PUS10: variants seen among roughly 807,000 people sequenced by gnomAD.
The protein encoded by PUS10 is tRNA pseudouridine synthase Pus10.
PUS10 carries 59 observed loss-of-function variants against 75.0 expected under a neutral mutation model. The ratio of observed to expected loss-of-function variants is 0.79; its 90% CI spans 0.64 to 0.98. The LOEUF is 0.98. Among genes scored for constraint, PUS10 ranks in the 50% least tolerant of loss-of-function variants. PUS10 has a pLI of 0.00. For synonymous variants in PUS10, 219 were observed against 211.6 expected (o/e 1.03, Z -0.30); for missense variants, 650 against 614.4 (o/e 1.06, Z -0.61).
chr2:60,955,165 C>G (rs1675571511), intron 11 of PUS10, 91 bp from the exon 12 acceptor site: 4 of 714,204 alleles, frequency 5.6e-6, no homozygotes, highest in Non-Finnish European at 9.2e-6. Context: ...AACTGAAGGT[C>G]TTGAACAATC....
At chr2:60,946,381 G>C (rs1200299014) in intron 16 of PUS10, among the ~76,000 whole-genome samples, 1 of 152,186 alleles carries the variant, frequency 6.6e-6, no homozygotes, top group East Asian at 1.9e-4. Context: ...TTAACACATA[G>C]TCTTTCTTGG....
In PUS10 at chr2:60,954,137, A is replaced by G; in HGVS notation, c.1079T>C (p.Leu360Pro). The G allele has an allele frequency of 6.2e-7, 1 of 1,614,214 alleles. No individual in the cohort carries two copies. The highest frequency in any genetic ancestry group is 8.5e-7 in the Non-Finnish European group (1 of 1,180,008). Residue 360 changes from leucine to proline, a missense_variant, in exon 13 of 18, where the codon CTG (leucine) becomes CCG (proline). Leu to Pro is a moderately conservative substitution (Grantham distance 98). Coordinates refer to ENST00000316752, the MANE Select transcript of PUS10 (RefSeq NM_144709.4). ...LGNGRPFAIE[L>P]VNPHRVHFTS... ...GAAATGTACTCTATGAGGATTCACC[A>G]GCTCAATTGCAAAGGGCCTTCCTGG...
intron 17 of PUS10, among the ~76,000 whole-genome samples, chr2:60,943,762 TTGTG>T (rs56232022): frequency 0.079 from 11,627 of 146,670 alleles, 494 homozygotes; most frequent in Middle Eastern, 0.13. Flanking sequence ...GATCACAATC[TTGTG>T]TGTGTGTGTG....
chr2:61,005,568 A>G (rs1436289503), intron 4 of PUS10, among the ~76,000 whole-genome samples: 1 of 152,142 alleles, frequency 6.6e-6, no homozygotes, highest in South Asian at 2.1e-4. Context: ...CAGCTTTCGG[A>G]AGTCTGTTTC....
At chr2:60,982,273 A>T (rs750526942) in intron 4 of PUS10, among the ~76,000 whole-genome samples, 2 of 151,536 alleles carry the variant, frequency 1.3e-5, no homozygotes, top group Non-Finnish European at 2.9e-5. Context: ...TTATTTATTT[A>T]TTTTTTGGAG....
At chr2:60,957,759 C>T (rs1036579232) in intron 11 of PUS10, among the ~76,000 whole-genome samples, 5 of 152,188 alleles carry the variant, frequency 3.3e-5, no homozygotes, top group African/African-American at 9.7e-5. Flanking sequence ...GCCCTATGGC[C>T]GTGTGTCCCT....
chr2:60,993,770 C>CAGCT (rs1678266316), intron 4 of PUS10, among the ~76,000 whole-genome samples: 2 of 151,994 alleles, frequency 1.3e-5, no homozygotes, highest in African/African-American at 4.8e-5. Flanking sequence ...AAAGGAGGAG[C>CAGCT]AGCTGTAGCA....
In PUS10 at chr2:60,960,505, T is replaced by G. The variant is rs1189159103; in HGVS notation, c.887A>C (p.Lys296Thr). 16 of 1,574,984 alleles carry G rather than the reference T, an allele frequency of 1.0e-5. No individual in the cohort carries two copies. Among genetic ancestry groups the G allele is most frequent in the Non-Finnish European group, 1.4e-5 (16 of 1,165,726 alleles). ...AGTTTGTGGTAGATTCCTGGAGTAT[T>G]TATTATATCTCCCTGAGAAAGAAAT... The part of the protein sequence containing the change: ...GAVFVAGRYN[K>T]YSRNLPQTPW... Residue 296 changes from lysine (K) to threonine (T), a missense_variant, in exon 11 of 18, where the codon AAA (lysine) becomes ACA (threonine). By Grantham distance (78) the Lys-to-Thr change is moderately conservative. Coordinates refer to ENST00000316752, the MANE Select transcript of PUS10 (RefSeq NM_144709.4).
chr2:60,982,551 C>T (rs1677464198), intron 4 of PUS10, among the ~76,000 whole-genome samples: 1 of 152,074 alleles, frequency 6.6e-6, no homozygotes, highest in African/African-American at 2.4e-5. Flanking sequence ...GCGTGAGCCA[C>T]CATGCCTGGC....
At chr2:60,978,824 A>G (rs998611028) in intron 4 of PUS10, among the ~76,000 whole-genome samples, 3 of 152,234 alleles carry the variant, frequency 2.0e-5, no homozygotes, top group Non-Finnish European at 2.9e-5. Flanking sequence ...AAAATATATT[A>G]CAGCAATGCT....
intron 1 of PUS10, among the ~76,000 whole-genome samples, chr2:61,015,014 C>T (rs573753830): frequency 3.9e-5 from 6 of 152,282 alleles, no homozygotes; most frequent in African/African-American, 1.4e-4. Flanking sequence ...TGGCTGAATT[C>T]TAATTCAGGG....
In PUS10 at chr2:60,981,557, T is replaced by C. The variant is rs371980614; in HGVS notation, c.469-10000A>G. 6.4e-4 allele frequency among the ~76,000 whole-genome samples: 97 copies of C among 152,328 alleles called. 1 individual carries two copies. In the South Asian group the frequency reaches 0.019, roughly 31 times the overall value. ...TTGGCCTCCCAAAGTGCTGGGATTA[T>C]TGGCGTGAGCCACCGTGCCTGGCCT... On this transcript the variant is annotated intron_variant, in intron 4 of 17. Coordinates refer to ENST00000316752, the MANE Select transcript of PUS10 (RefSeq NM_144709.4).
chr2:60,972,207 TA>T (rs1439146204), intron 4 of PUS10, among the ~76,000 whole-genome samples: 1 of 137,014 alleles, frequency 7.3e-6, no homozygotes, highest in Non-Finnish European at 1.6e-5. Flanking sequence ...CTCACGCCTG[TA>T]ATCCCAGCAC....
chr2:61,008,102 C>T (rs1438183043), intron 3 of PUS10, among the ~76,000 whole-genome samples: 1 of 151,724 alleles, frequency 6.6e-6, no homozygotes, highest in African/African-American at 2.4e-5. Context: ...GAATTCTTGG[C>T]CTTGGCCGGG....
intron 4 of PUS10, among the ~76,000 whole-genome samples, chr2:60,985,477 C>G (rs1199107736): frequency 6.6e-6 from 1 of 151,930 alleles, no homozygotes; most frequent in Non-Finnish European, 1.5e-5. Context: ...TCTATGAGGA[C>G]TTTGTGCTAA....
chr2:60,964,999 T>C (rs1276008855), intron 8 of PUS10, 59 bp downstream of exon 8: 24 of 1,448,996 alleles, frequency 1.7e-5, no homozygotes, highest in East Asian at 1.1e-4. Context: ...TGTTGGAAAT[T>C]TGAATATTCA....
intron 4 of PUS10, among the ~76,000 whole-genome samples, chr2:61,002,922 G>A (rs929404962): frequency 6.6e-6 from 1 of 151,772 alleles, no homozygotes; most frequent in Admixed American, 6.6e-5. Context: ...TACTTACTAC[G>A]TCTTACTGTA....
rs779081136 is a variant in PUS10, at chr2:60,967,552, T to G, written c.565A>C (p.Ile189Leu). 2 of 1,610,122 alleles carry G rather than the reference T, an allele frequency of 1.2e-6. No homozygotes were observed. Among genetic ancestry groups the G allele is most frequent in the Admixed American group, 3.4e-5 (2 of 59,494 alleles). ...IVQLKEAYKW[I>L]THPLFSEELG... ...TCCTCTGAAAACAGGGGGTGAGTTA[T>G]CCATTTGTAGGCTTCTTTTAGCTGA... Residue 189 changes from isoleucine (I) to leucine (L), a missense_variant, in exon 6 of 18, where the codon ATA becomes CTA. Transcript: ENST00000316752.
At chr2:60,948,227 G>C (rs1434052635) in intron 15 of PUS10, 42 bp from the exon 16 acceptor site, 7 of 1,600,964 alleles carry the variant, frequency 4.4e-6, no homozygotes, top group Middle Eastern at 3.3e-4. Context: ...TCAGAGCTTT[G>C]CCACCCAGTG....
Sources: gnomAD v4.1 joint callset for allele counts (sites outside exome capture counted in the v4.1 genomes callset) on GRCh38, gnomAD v4.1.1 for gene constraint, MANE v1.5 for transcripts, NCBI Gene and HGNC (gene_info 2026-07-23, HGNC 2026-07-21) for gene names.